KLHL2: variants seen among roughly 807,000 people sequenced by gnomAD.
The protein encoded by KLHL2 is kelch like family member 2, also known as kelch-like protein 2.
A neutral mutation model predicts 75.8 loss-of-function variants in KLHL2; 15 were observed. The ratio of observed to expected loss-of-function variants is 0.20; its 90% confidence interval spans 0.13 to 0.30. The LOEUF is 0.30. Among genes scored for constraint, KLHL2 ranks in the 10% least tolerant of loss-of-function variants. The probability of loss-of-function intolerance (pLI) is 1.00; values close to 1 mark genes in which losing one functional copy is unlikely to be tolerated. For missense variants in KLHL2, 381 were observed against 741.0 expected (o/e 0.51, Z 5.64); for synonymous variants, 214 against 251.9 (o/e 0.85, Z 1.42).
At chr4:165,293,670 A>ATTTTTTTTTTTTTTT (rs35736944) in intron 5 of KLHL2, among the ~76,000 whole-genome samples, 1 of 125,990 alleles carries the variant, frequency 7.9e-6, no homozygotes, top group African/African-American at 3.0e-5. Flanking sequence ...TGCCTGGCTA[A>ATTTTTTTTTTTTTTT]TTTTTTTTTT....
In KLHL2 at chr4:165,310,605, A is replaced by C. The variant is rs750522304; in HGVS notation, c.1092A>C (p.Ser364=). The C allele has an allele frequency of 1.2e-6, 2 of 1,614,128 alleles. No individual in the cohort carries two copies. The highest frequency in any genetic ancestry group is 1.7e-5 in the Admixed American group (1 of 60,024). ...TTGCTGTTGGTGGCTTTAATGGCTC[A>C]TTAAGAGTTCGCACTGTAGATTCCT... The part of the protein sequence containing the change: ...LVFAVGGFNG[S]LRVRTVDSYD... Residue 364 remains serine, a synonymous_variant, in exon 10 of 15, where the codon TCA becomes TCC. Coordinates refer to ENST00000226725, the MANE Select transcript of KLHL2 (RefSeq NM_007246.4).
At chr4:165,241,269 G>A (rs1366793012) in intron 4 of KLHL2, among the ~76,000 whole-genome samples, 1 of 152,102 alleles carries the variant, frequency 6.6e-6, no homozygotes, top group Admixed American at 6.5e-5. Context: ...TCCATAACAT[G>A]TGTTTTTCAA....
chr4:165,233,391 A>G (rs1195291567), intron 3 of KLHL2, among the ~76,000 whole-genome samples: 2 of 152,244 alleles, frequency 1.3e-5, no homozygotes, highest in Admixed American at 6.5e-5. Flanking sequence ...TTTGTGCCAC[A>G]GGCTAACATT....
At chr4:165,301,228 G>A (rs1174175481) in intron 8 of KLHL2, among the ~76,000 whole-genome samples, 1 of 152,064 alleles carries the variant, frequency 6.6e-6, no homozygotes, top group Non-Finnish European at 1.5e-5. Context: ...TTCAAATTTG[G>A]CATGACTTTT....
intron 5 of KLHL2, among the ~76,000 whole-genome samples, chr4:165,290,770 C>G (rs973758173): frequency 1.3e-5 from 2 of 152,108 alleles, no homozygotes; most frequent in African/African-American, 4.8e-5. Context: ...AGTTCGAGAC[C>G]AGCCTAGCCA....
intron 13 of KLHL2, among the ~76,000 whole-genome samples, chr4:165,316,799 A>G (rs1479971200): frequency 6.6e-6 from 1 of 152,186 alleles, no homozygotes; most frequent in African/African-American, 2.4e-5. Flanking sequence ...TAAAAATTAC[A>G]TTTATATTTA....
At chr4:165,210,571 G>T (rs2110932841) in intron 1 of KLHL2, among the ~76,000 whole-genome samples, 1 of 152,308 alleles carries the variant, frequency 6.6e-6, no homozygotes, top group East Asian at 1.9e-4. Flanking sequence ...GGGTCTGGGT[G>T]ATATTGAGAC....
At chr4:165,277,966 T>G in intron 5 of KLHL2, 1 of 1,096,540 alleles carries the variant, frequency 9.1e-7, no homozygotes, top group Non-Finnish European at 1.4e-6. Flanking sequence ...ATCTTGGGAA[T>G]CCATGAGTTG....
intron 6 of KLHL2, among the ~76,000 whole-genome samples, 186 bp downstream of exon 6, chr4:165,294,654 A>C (rs1269322728): frequency 1.3e-5 from 2 of 152,132 alleles, no homozygotes; most frequent in East Asian, 1.9e-4. Flanking sequence ...GAAACTCAGG[A>C]CTTGTTGATT....
intron 14 of KLHL2, among the ~76,000 whole-genome samples, chr4:165,321,824 CTT>C (rs1747005611): frequency 6.6e-6 from 1 of 152,042 alleles, no homozygotes; most frequent in African/African-American, 2.4e-5. Flanking sequence ...ATTAAATAGT[CTT>C]ATATTTAACT....
rs1339184151 is a variant in KLHL2, at chr4:165,319,658, G to C, written c.1753+1689G>C. On this transcript the variant is annotated intron_variant, in intron 14 of 14. Transcript: ENST00000226725. The surrounding 1 kb of genome is among the most constrained non-coding windows in gnomAD (Gnocchi z 4.5). ...GTTTTTGAGACAGAATCTCACTCTT[G>C]TCGCCCAGGCTGGAGTGCAACAGCG... Among the ~76,000 whole-genome samples the C allele has an allele frequency of 1.3e-5, 2 of 152,014 alleles. No individual in the cohort carries two copies. Among genetic ancestry groups the C allele is most frequent in the Non-Finnish European group, 2.9e-5 (2 of 68,010 alleles).
intron 5 of KLHL2, among the ~76,000 whole-genome samples, chr4:165,287,278 A>C (rs1262051092): frequency 6.6e-6 from 1 of 152,186 alleles, no homozygotes; most frequent in Non-Finnish European, 1.5e-5. Flanking sequence ...CTGGCTCACT[A>C]CACTTAGCAT....
At chr4:165,269,625 A>C (rs28853353) in intron 5 of KLHL2, among the ~76,000 whole-genome samples, 11,813 of 148,626 alleles carry the variant, frequency 0.079, 1,476 homozygotes, top group African/African-American at 0.24. Flanking sequence ...TTTCTTTAAG[A>C]ATGTCGAATA....
chr4:165,299,469 C>T (rs748333990), intron 7 of KLHL2, 38 bp from the exon 8 acceptor site: 43 of 1,554,324 alleles, frequency 2.8e-5, no homozygotes, highest in Non-Finnish European at 3.6e-5. Flanking sequence ...TATGAAATAG[C>T]CCTACCCTCA....
At chr4:165,209,767 T>G (rs755355217) in intron 1 of KLHL2, 6 of 178,502 alleles carry the variant, frequency 3.4e-5, no homozygotes, top group African/African-American at 4.7e-5. Context: ...TGAGACTTTT[T>G]CATTGTTTCT....
chr4:165,226,171 C>T (rs1328337303), intron 2 of KLHL2, among the ~76,000 whole-genome samples: 2 of 152,100 alleles, frequency 1.3e-5, no homozygotes, highest in African/African-American at 2.4e-5. Flanking sequence ...TGTTCAAATC[C>T]CCAGGTCACA....
rs1027792832 is a variant in KLHL2, at chr4:165,291,833, A to AT, written c.545-2515dup. On this transcript the variant is annotated intron_variant, in intron 5 of 14. Transcript: ENST00000226725. ...CATCCTCCCGTATACTTTATTTTTA[A>AT]TTTTTTTTTTTAAAGAGACAAGCCG... 1.9e-4 allele frequency among the ~76,000 whole-genome samples: 28 copies of AT among 147,912 alleles called. No homozygotes were observed. In the East Asian group the frequency reaches 2.0e-3, roughly 10 times the overall value.
Position 165,279,313 on chromosome 4 carries a change from A to C in KLHL2, c.545-15046A>C, listed in dbSNP as rs574349555. 5.8e-6 allele frequency: 9 copies of C among 1,556,480 alleles called. No individual in the cohort carries two copies. The South Asian group carries it at 8.9e-5, about 15-fold the overall frequency. On this transcript the variant is annotated intron_variant, in intron 5 of 14. Coordinates refer to ENST00000226725, the MANE Select transcript of KLHL2 (RefSeq NM_007246.4). ...GTGTTCTTAGATCAAGCCACACCAC[A>C]GCATTGTAGAGAGGCTCTCCAGTTA...
Position 165,322,346 on chromosome 4 carries a change from T to G in KLHL2, c.*286T>G, listed in dbSNP as rs1307293262. 11 of 333,792 alleles carry G rather than the reference T, an allele frequency of 3.3e-5. No individual in the cohort carries two copies. The highest frequency in any genetic ancestry group is 9.4e-5 in the Admixed American group (2 of 21,368). 20.7% of individuals were successfully genotyped at this position (333,792 alleles called of 1,614,324 possible). A position where few individuals can be genotyped will look rare whatever the true frequency, so the allele number is the denominator to read the frequency against. ...AGACAACAGTTGCTTTCATAAAGAC[T>G]AGTTCTTATCAACCTTGAATGACTA... On this transcript the variant is annotated 3_prime_UTR_variant, in exon 15 of 15. Transcript: ENST00000226725.
Sources: gnomAD v4.1 joint callset for allele counts (sites outside exome capture counted in the v4.1 genomes callset) on GRCh38, gnomAD v4.1.1 for gene constraint, Gnocchi (gnomAD v3.1) non-coding constraint, MANE v1.5 for transcripts, NCBI Gene and HGNC (gene_info 2026-07-23, HGNC 2026-07-21) for gene names.